The following PTPRN2 variants were observed in gnomAD, a reference collection of about 807,000 sequenced individuals.
PTPRN2 encodes the protein protein tyrosine phosphatase receptor type N2.
In PTPRN2, 74 loss-of-function variants were observed where a neutral mutation model predicts 118.8. The ratio of observed to expected loss-of-function variants is 0.62; its 90% CI spans 0.52 to 0.76. PTPRN2 has a LOEUF of 0.76. Among genes scored for constraint, PTPRN2 ranks in the 30% least tolerant of loss-of-function variants. The pLI is 0.00. For missense variants in PTPRN2, 1,481 were observed against 1,394.4 expected (o/e 1.06, Z -0.99); for synonymous variants, 641 against 608.0 (o/e 1.05, Z -0.80).
At chr7:157,999,764 A>G (rs911280503) in intron 11 of PTPRN2, among the ~76,000 whole-genome samples, 17 of 152,114 alleles carry the variant, frequency 1.1e-4, no homozygotes, top group African/African-American at 3.9e-4. Context: ...ACTTTATTAA[A>G]TCTCAGCCAC....
intron 11 of PTPRN2, among the ~76,000 whole-genome samples, chr7:158,064,226 G>T (rs1240938305): frequency 1.3e-5 from 2 of 152,224 alleles, no homozygotes; most frequent in Admixed American, 1.3e-4. Context: ...GCAAGTTGGG[G>T]TTTAACCGCA....
At chr7:158,281,928 A>G (rs1293004007) in intron 3 of PTPRN2, among the ~76,000 whole-genome samples, 1 of 152,236 alleles carries the variant, frequency 6.6e-6, no homozygotes, top group Non-Finnish European at 1.5e-5. Context: ...CAGGGTCAAA[A>G]GCCATTTCTC....
rs906121820 is a variant in PTPRN2, at chr7:157,729,148, T to G, written c.1789-46211A>C. On this transcript the variant is annotated intron_variant, in intron 12 of 22. Transcript: ENST00000389418. The surrounding 1 kb of genome is among the most constrained non-coding windows in gnomAD (Gnocchi z 4.3). ...GCTTTGATATACCCATCTCTGTTTT[T>G]TTTTTTGGACAGAATTCCTATTAAA... is the stretch of plus-strand genomic sequence containing the variant. Among the ~76,000 whole-genome samples, 1 of 152,202 alleles carries G rather than the reference T, an allele frequency of 6.6e-6. No individual in the cohort carries two copies. The highest frequency in any genetic ancestry group is 2.4e-5 in the African/African-American group (1 of 41,462).
chr7:158,420,812 C>T lies in PTPRN2; in HGVS notation c.163+68923G>A, dbSNP rs1429154165. On this transcript the variant is annotated intron_variant, in intron 2 of 22. Transcript: ENST00000389418. The stretch of plus-strand genomic sequence containing the variant: ...GTGAAATATGTAAGCAGCATGTCTT[C>T]CATGGAAGCGGGGATGAAGTGACGG... 2.6e-5 allele frequency among the ~76,000 whole-genome samples: 4 copies of T among 152,308 alleles called. No individual in the cohort carries two copies. In the East Asian group the frequency reaches 7.7e-4, roughly 29 times the overall value.
At chr7:158,156,987 C>T (rs1383953739) in intron 6 of PTPRN2, among the ~76,000 whole-genome samples, 1 of 150,638 alleles carries the variant, frequency 6.6e-6, no homozygotes. Context: ...CCCCATTGTG[C>T]TAACACAGTG....
chr7:157,998,473 A>G (rs1804957775), intron 11 of PTPRN2, among the ~76,000 whole-genome samples: 1 of 152,194 alleles, frequency 6.6e-6, no homozygotes, highest in Admixed American at 6.5e-5. Flanking sequence ...TCCAGCCTCC[A>G]ACGTAGATGC....
At chr7:158,182,330 G>C (rs1824784128) in intron 5 of PTPRN2, among the ~76,000 whole-genome samples, 1 of 152,094 alleles carries the variant, frequency 6.6e-6, no homozygotes, top group African/African-American at 2.4e-5. Context: ...TTGTAGCCTA[G>C]TATACAGTCT....
chr7:157,781,014 C>T (rs1224109410), intron 12 of PTPRN2, among the ~76,000 whole-genome samples: 1 of 152,226 alleles, frequency 6.6e-6, no homozygotes, highest in Non-Finnish European at 1.5e-5. Context: ...AATCACCCCA[C>T]ATCCTGGTCC....
chr7:157,768,974 G>A (rs1443755589), intron 12 of PTPRN2, among the ~76,000 whole-genome samples: 1 of 152,164 alleles, frequency 6.6e-6, no homozygotes, highest in African/African-American at 2.4e-5. Context: ...CATAATTACT[G>A]TCACCGCTGT....
intron 12 of PTPRN2, among the ~76,000 whole-genome samples, chr7:157,744,560 G>A (rs1001562746): frequency 2.0e-5 from 3 of 152,156 alleles, no homozygotes; most frequent in Non-Finnish European, 4.4e-5. Context: ...ACAAATAGAG[G>A]TATAATATAG....
At chr7:158,095,784 C>T (rs549583599) in intron 10 of PTPRN2, among the ~76,000 whole-genome samples, 1 of 152,274 alleles carries the variant, frequency 6.6e-6, no homozygotes, top group East Asian at 1.9e-4. Context: ...TGCTATGTTG[C>T]CCTGGCTGGT....
chr7:157,829,940 T>C (rs1006143734), intron 12 of PTPRN2, among the ~76,000 whole-genome samples: 7 of 152,242 alleles, frequency 4.6e-5, no homozygotes, highest in Non-Finnish European at 8.8e-5. Flanking sequence ...CACCTGTCTG[T>C]GGGCCGTGCT....
chr7:158,542,674 A>G (rs1826057841), intron 1 of PTPRN2, among the ~76,000 whole-genome samples: 1 of 152,196 alleles, frequency 6.6e-6, no homozygotes, highest in Non-Finnish European at 1.5e-5. Flanking sequence ...CTCTGCAAGC[A>G]ATTTTTTCCT....
rs1379059683 is a variant in PTPRN2 at position 157,598,681 on chromosome 7, T to C, written c.2419-3366A>G. Among the ~76,000 whole-genome samples, 1 of 152,230 alleles carries C rather than the reference T, an allele frequency of 6.6e-6. No individual in the cohort carries two copies. The highest frequency in any genetic ancestry group is 2.4e-5 in the African/African-American group (1 of 41,458). Reference sequence around the variant, plus strand: ...TCCCGAAACTGTCCGTGAAAACCTGTAAATTTATTAGGTGAACGCCAAGCT... The same window carrying C: ...TCCCGAAACTGTCCGTGAAAACCTGCAAATTTATTAGGTGAACGCCAAGCT... On this transcript the variant is annotated intron_variant, in intron 16 of 22. Transcript: ENST00000389418. The surrounding 1 kb of genome is among the most constrained non-coding windows in gnomAD (Gnocchi z 5.2).
At position 158,110,921 on chromosome 7, in the gene PTPRN2, G is replaced by A; in HGVS notation, c.1557-6C>T. On this transcript the variant is annotated splice_polypyrimidine_tract_variant and splice_region_variant and intron_variant, in intron 9 of 22. Coordinates refer to ENST00000389418, the MANE Select transcript of PTPRN2 (RefSeq NM_002847.5). ...CTTCCTCGGGGCGCAGGGGGCTGCGGATGACAGCAGGGATGGGGAGCAGTC... is the reference window on the plus strand; with the variant it reads ...CTTCCTCGGGGCGCAGGGGGCTGCGAATGACAGCAGGGATGGGGAGCAGTC... 6.4e-7 allele frequency: 1 copy of A among 1,553,698 alleles called. No individual in the cohort carries two copies. The highest frequency in any genetic ancestry group is 1.2e-5 in the South Asian group (1 of 84,652).
intron 4 of PTPRN2, among the ~76,000 whole-genome samples, chr7:158,197,495 A>C (rs573383526): frequency 3.9e-5 from 6 of 152,322 alleles, no homozygotes; most frequent in African/African-American, 1.4e-4. Context: ...CTTATAAAAA[A>C]AATCCCATTT....
At chr7:157,879,737 G>A (rs1189954892) in intron 12 of PTPRN2, among the ~76,000 whole-genome samples, 1 of 151,488 alleles carries the variant, frequency 6.6e-6, no homozygotes, top group African/African-American at 2.4e-5. Context: ...TGATAGAGTG[G>A]CCACCTCACC....
intron 11 of PTPRN2, among the ~76,000 whole-genome samples, chr7:158,054,684 T>C (rs1809645238): frequency 6.6e-6 from 1 of 152,218 alleles, no homozygotes; most frequent in Non-Finnish European, 1.5e-5. Context: ...CCCACACCTC[T>C]ACACGGCTGC....
At chr7:158,221,042 G>C (rs1828326349) in intron 3 of PTPRN2, among the ~76,000 whole-genome samples, 1 of 152,108 alleles carries the variant, frequency 6.6e-6, no homozygotes, top group South Asian at 2.1e-4. Flanking sequence ...GAACAGGTTA[G>C]AGAAACCAGA....
Sources: gnomAD v4.1 joint callset for allele counts (sites outside exome capture counted in the v4.1 genomes callset) on GRCh38, gnomAD v4.1.1 for gene constraint, Gnocchi (gnomAD v3.1) non-coding constraint, MANE v1.5 for transcripts, NCBI Gene and HGNC (gene_info 2026-07-23, HGNC 2026-07-21) for gene names.